The following BANP variants were observed in gnomAD, a reference collection of about 807,000 sequenced individuals.
BANP encodes the protein BTG3 associated nuclear protein.
Under a neutral mutation model 68.1 loss-of-function variants are expected in BANP, and 11 were observed. That is an observed-to-expected ratio of 0.16 (90% CI 0.10 to 0.27). BANP has a LOEUF of 0.27. BANP is among the 10% of genes least tolerant of loss of function. The pLI is 1.00. For synonymous variants in BANP, 329 were observed against 303.2 expected, an observed-to-expected ratio of 1.09 and a Z score of -0.88; for missense variants, 504 against 722.7, an observed-to-expected ratio of 0.70 and a Z score of 3.47.
At chr16:88,048,159 T>A (rs756414415) in intron 11 of BANP, among the ~76,000 whole-genome samples, 35 of 152,246 alleles carry the variant, frequency 2.3e-4, no homozygotes, top group Non-Finnish European at 4.3e-4. Flanking sequence ...GTATATCATA[T>A]AGGGGATAGT....
intron 1 of BANP, among the ~76,000 whole-genome samples, chr16:87,951,940 G>A (rs1350898560): frequency 6.6e-6 from 1 of 152,204 alleles, no homozygotes; most frequent in Admixed American, 6.5e-5. Context: ...CTGCCAGCCA[G>A]GCGGGAGCGA....
chr16:87,969,369 C>A (rs563257910), intron 1 of BANP, among the ~76,000 whole-genome samples: 1 of 152,050 alleles, frequency 6.6e-6, no homozygotes, highest in African/African-American at 2.4e-5. Flanking sequence ...AGCTATTGCC[C>A]TTCAAAGAGG....
In BANP at chr16:87,969,681, C is replaced by T. The variant is rs140051618; in HGVS notation, c.-68-5367C>T. On this transcript the variant is annotated intron_variant, in intron 1 of 13. Coordinates refer to ENST00000682872, the MANE Select transcript of BANP (RefSeq NM_001386991.1). ...CTCAGTAGCTGGGATTACAGGCACG[C>T]GCCGCCATCCCCGTCTAATTTTTTG... Among the ~76,000 whole-genome samples, 461 of 150,202 alleles carry T rather than the reference C, an allele frequency of 3.1e-3. 3 individuals carry two copies. The highest frequency in any genetic ancestry group is 0.011 in the African/African-American group (432 of 40,804).
chr16:88,054,011 T>C (rs1247954197), intron 11 of BANP, among the ~76,000 whole-genome samples: 2 of 61,462 alleles, frequency 3.3e-5, no homozygotes, highest in Admixed American at 1.5e-4. Context: ...ACAACCACCT[T>C]TACCACCACC....
chr16:87,985,146 C>T (rs1473333254), intron 4 of BANP, among the ~76,000 whole-genome samples: 1 of 152,194 alleles, frequency 6.6e-6, no homozygotes, highest in Non-Finnish European at 1.5e-5. Context: ...GGGTTAGGTG[C>T]TTTGTGGGCC....
chr16:88,022,965 G>A (rs1291889334), intron 7 of BANP, among the ~76,000 whole-genome samples: 2 of 152,212 alleles, frequency 1.3e-5, no homozygotes, highest in African/African-American at 2.4e-5. Context: ...CCTGGACCAG[G>A]ACGTGAGTTT....
intron 4 of BANP, among the ~76,000 whole-genome samples, chr16:88,001,840 C>G (rs1326703208): frequency 5.3e-5 from 8 of 151,576 alleles, no homozygotes; most frequent in Admixed American, 5.3e-4. Flanking sequence ...CTGTCGTATG[C>G]ATTTGCAACA....
At position 87,984,107 on chromosome 16, in the gene BANP, C is replaced by T. The variant is rs1231031611; in HGVS notation, c.210C>T (p.Ser70=). Residue 70 remains serine (S), a synonymous_variant, in exon 4 of 14, where the codon AGC becomes AGT. Transcript: ENST00000682872. ...AGACAATCTGCTTGCGGTTGGATAG[C>T]ATTGAAGCCAAATTGCAAGCCCTGG... ...INQTICLRLD[S]IEAKLQALEA... The T allele has an allele frequency of 3.7e-6, 6 of 1,613,794 alleles. No homozygotes were observed. Among genetic ancestry groups the T allele is most frequent in the Non-Finnish European group, 5.1e-6 (6 of 1,179,910 alleles).
At chr16:88,053,328 C>T (rs1387173865) in intron 11 of BANP, among the ~76,000 whole-genome samples, 5 of 151,794 alleles carry the variant, frequency 3.3e-5, no homozygotes, top group African/African-American at 1.2e-4. Flanking sequence ...CCACTGTCAT[C>T]TCCATCATCA....
intron 13 of BANP, among the ~76,000 whole-genome samples, chr16:88,075,503 T>A (rs550713105): frequency 3.2e-4 from 48 of 152,226 alleles, no homozygotes; most frequent in African/African-American, 1.1e-3. Context: ...ACCCTATCTC[T>A]AAAAAATAAA....
chr16:87,974,795 C>T (rs1343512913), intron 1 of BANP, among the ~76,000 whole-genome samples: 1 of 152,080 alleles, frequency 6.6e-6, no homozygotes, highest in Non-Finnish European at 1.5e-5. Context: ...GCATGAGGAA[C>T]ACAGTGGAAA....
At chr16:88,069,078 C>T (rs556355870) in intron 12 of BANP, among the ~76,000 whole-genome samples, 1 of 152,308 alleles carries the variant, frequency 6.6e-6, no homozygotes, top group Non-Finnish European at 1.5e-5. Flanking sequence ...TGGGCTTGCC[C>T]CGTCTCGTGA....
chr16:87,972,941 C>T (rs7200909), intron 1 of BANP, among the ~76,000 whole-genome samples: 9 of 151,894 alleles, frequency 5.9e-5, no homozygotes, highest in African/African-American at 2.2e-4. Flanking sequence ...GATCCTGCAG[C>T]TGCTGCTCTC....
chr16:88,021,814 G>A (rs2076085042), intron 7 of BANP, among the ~76,000 whole-genome samples: 1 of 152,226 alleles, frequency 6.6e-6, no homozygotes, highest in Non-Finnish European at 1.5e-5. Flanking sequence ...GAGGCCTGCG[G>A]CTGTCCTCAC....
rs1438687256 is a variant in BANP, at chr16:88,003,501, C to T, written c.363-794C>T. ...CCCCAGCCTTCCACAACAAAGCGGA[C>T]CTTAGATATCCCTTGTGACCAGAAA... On this transcript the variant is annotated intron_variant, in intron 4 of 13. Coordinates refer to ENST00000682872, the MANE Select transcript of BANP (RefSeq NM_001386991.1). This position sits in a 1 kb window ranked among gnomAD's most constrained non-coding sequence, Gnocchi z 6.1. The T allele has an allele frequency of 2.2e-6, 1 of 456,280 alleles. No homozygotes were observed. The highest frequency in any genetic ancestry group is 1.5e-5 in the South Asian group (1 of 64,566). 28.3% of individuals were successfully genotyped at this position (456,280 alleles called of 1,614,324 possible).
rs1277835445 is a variant in BANP at position 88,065,362 on chromosome 16, AC to A, written c.1377+33del. The A allele has an allele frequency of 4.0e-6, 3 of 747,308 alleles. No individual in the cohort carries two copies. The South Asian group carries it at 4.2e-5, about 10-fold the overall frequency. The allele number at this position is 747,308 out of a possible 1,614,324, so 46.3% of individuals were successfully genotyped here. On this transcript the variant is annotated intron_variant, in intron 12 of 13. Coordinates refer to ENST00000682872, the MANE Select transcript of BANP (RefSeq NM_001386991.1). ...GTCCTTTGTACATCCCATCTCTCCCACCCTCTGTGGCTGGGAGGAGTCTCTG... is the reference window on the plus strand; with the variant it reads ...GTCCTTTGTACATCCCATCTCTCCCACCTCTGTGGCTGGGAGGAGTCTCTG...
chr16:88,045,999 C>T (rs1038361261), intron 11 of BANP, among the ~76,000 whole-genome samples: 1 of 152,250 alleles, frequency 6.6e-6, no homozygotes, highest in African/African-American at 2.4e-5. Flanking sequence ...CTGCCCTTGG[C>T]AGGTGCCGTC....
chr16:88,029,133 C>G (rs560195595), intron 8 of BANP, among the ~76,000 whole-genome samples: 31 of 151,946 alleles, frequency 2.0e-4, no homozygotes, highest in South Asian at 1.0e-3. Flanking sequence ...ATGGTGAAAC[C>G]CCGTCTCTAC....
intron 1 of BANP, among the ~76,000 whole-genome samples, chr16:87,967,850 C>T (rs1408827636): frequency 2.0e-5 from 3 of 151,824 alleles, no homozygotes; most frequent in South Asian, 2.1e-4. Context: ...CTCGAACTCT[C>T]GACCTCATGA....
Sources: gnomAD v4.1 joint callset for allele counts (sites outside exome capture counted in the v4.1 genomes callset) on GRCh38, gnomAD v4.1.1 for gene constraint, Gnocchi (gnomAD v3.1) non-coding constraint, MANE v1.5 for transcripts, NCBI Gene and HGNC (gene_info 2026-07-23, HGNC 2026-07-21) for gene names.